The following HMCN1 variants were observed in gnomAD, a reference collection of about 807,000 sequenced individuals.
The protein encoded by HMCN1 is hemicentin 1, also known as hemicentin-1.
In HMCN1, 321 loss-of-function variants were observed where a neutral mutation model predicts 625.9. The observed-to-expected ratio is 0.51, with a 90% CI of 0.47 to 0.56. HMCN1 has a LOEUF of 0.56. Ranked by LOEUF, HMCN1 falls within the 20% of genes least tolerant of loss-of-function variation. HMCN1 has a pLI of 0.00. For synonymous variants in HMCN1, 2,425 were observed against 2,417.6 expected (o/e 1.00, Z -0.09); for missense variants, 6,588 against 6,887.3 (o/e 0.96, Z 1.54).
chr1:185,826,189 G>A (rs1291057941), intron 1 of HMCN1, among the ~76,000 whole-genome samples: 6 of 152,152 alleles, frequency 3.9e-5, no homozygotes, highest in Admixed American at 2.0e-4. Context: ...ATTCCTGAAT[G>A]TATAAAACAT....
At chr1:186,145,177 A>G (rs1185568638) in intron 91 of HMCN1, among the ~76,000 whole-genome samples, 1 of 152,246 alleles carries the variant, frequency 6.6e-6, no homozygotes, top group Non-Finnish European at 1.5e-5. Flanking sequence ...GACTCAATAA[A>G]TGTATGTTAA....
At chr1:185,850,468 A>G (rs1184600010) in intron 2 of HMCN1, among the ~76,000 whole-genome samples, 1 of 152,116 alleles carries the variant, frequency 6.6e-6, no homozygotes, top group African/African-American at 2.4e-5. Flanking sequence ...GACCTGGCAC[A>G]GGCTTCCTGA....
intron 46 of HMCN1, among the ~76,000 whole-genome samples, chr1:186,058,599 A>G (rs1210158537): frequency 2.0e-5 from 3 of 151,936 alleles, no homozygotes; most frequent in Admixed American, 1.3e-4. Context: ...AGAAAGGATT[A>G]TGTTGTTTTT....
chr1:185,891,435 T>C (rs1665074844), intron 4 of HMCN1, among the ~76,000 whole-genome samples: 1 of 148,538 alleles, frequency 6.7e-6, no homozygotes, highest in South Asian at 2.1e-4. Context: ...GGCATGATTT[T>C]GCAGCGGCTG....
At position 186,110,260 on chromosome 1, in the gene HMCN1, G is replaced by A. The variant is rs180912495; in HGVS notation, c.10989+1663G>A. On this transcript the variant is annotated intron_variant, in intron 71 of 106. Coordinates refer to ENST00000271588, the MANE Select transcript of HMCN1 (RefSeq NM_031935.3). ...TGAAGTCATAAGTTTGTAGGAGGTT[G>A]ACTAGAAAGCAGAGTATAAGAGTCC... Among the ~76,000 whole-genome samples, 20 of 152,256 alleles carry A rather than the reference G, an allele frequency of 1.3e-4. No individual in the cohort carries two copies. In the East Asian group the frequency reaches 2.9e-3, roughly 22 times the overall value.
At chr1:186,021,368 T>A (rs1654708615) in intron 35 of HMCN1, among the ~76,000 whole-genome samples, 1 of 152,018 alleles carries the variant, frequency 6.6e-6, no homozygotes, top group Admixed American at 6.6e-5. Flanking sequence ...GACTATGAGA[T>A]CAACTAGTGG....
chr1:185,894,062 G>A (rs1665324396), intron 4 of HMCN1, among the ~76,000 whole-genome samples: 1 of 151,844 alleles, frequency 6.6e-6, no homozygotes, highest in Non-Finnish European at 1.5e-5. Context: ...GTGAACCCGG[G>A]AGGCAGAGCT....
rs115216479 is a variant in HMCN1, at chr1:185,747,678, C to G, written c.268+12631C>G. ...TATTTAATCTTTTGTTGGTGATGTCCAGATATTTAATTTTGAGATGGGGAA... is the reference window on the plus strand; with the variant it reads ...TATTTAATCTTTTGTTGGTGATGTCGAGATATTTAATTTTGAGATGGGGAA... On this transcript the variant is annotated intron_variant, in intron 1 of 106. Transcript: ENST00000271588. Among the ~76,000 whole-genome samples the G allele has an allele frequency of 8.3e-3, 1,260 of 152,218 alleles. 12 individuals are homozygous for G. Among genetic ancestry groups the G allele is most frequent in the Middle Eastern group, 0.027 (8 of 294 alleles).
In HMCN1 at chr1:185,997,588, A is replaced by T. The variant is rs372654219; in HGVS notation, c.3874+64A>T. 187 of 1,126,196 alleles carry T rather than the reference A, an allele frequency of 1.7e-4. 2 individuals are homozygous for T. In the East Asian group the frequency reaches 3.6e-3, roughly 22 times the overall value. The allele number at this position is 1,126,196 out of a possible 1,614,324, so 69.8% of individuals were successfully genotyped here. A position where few individuals can be genotyped will look rare whatever the true frequency, so the allele number is the denominator to read the frequency against. On this transcript the variant is annotated intron_variant, in intron 25 of 106. Coordinates refer to ENST00000271588, the MANE Select transcript of HMCN1 (RefSeq NM_031935.3). ...TATATGGTTTCAGAATGCTATATTGAACCCAAATTGTCATCCTTATAAAAT... is the reference window on the plus strand; with the variant it reads ...TATATGGTTTCAGAATGCTATATTGTACCCAAATTGTCATCCTTATAAAAT...
In HMCN1 at chr1:186,095,379, G is replaced by A. The variant is rs1256506851; in HGVS notation, c.10431G>A (p.Gly3477=). 1.2e-6 allele frequency: 2 copies of A among 1,613,748 alleles called. No individual in the cohort carries two copies. Among genetic ancestry groups the A allele is most frequent in the Admixed American group, 1.7e-5 (1 of 59,886 alleles). The change falls in exon 68 of 107, where the codon GGG becomes GGA. Residue 3477 remains glycine (G), a synonymous_variant. Coordinates refer to ENST00000271588, the MANE Select transcript of HMCN1 (RefSeq NM_031935.3). ...MAWLRDGQPL[G]LDAHLTVSTH... ...GGCTTAGAGATGGCCAGCCTCTGGGGCTTGATGCCCATCTGACAGTCAGCA... is the reference window on the plus strand; with the variant it reads ...GGCTTAGAGATGGCCAGCCTCTGGGACTTGATGCCCATCTGACAGTCAGCA...
intron 36 of HMCN1, among the ~76,000 whole-genome samples, chr1:186,037,428 A>C (rs1655907802): frequency 6.6e-6 from 1 of 152,208 alleles, no homozygotes; most frequent in South Asian, 2.1e-4. Flanking sequence ...TTATTTTGTG[A>C]ATAACTTAAG....
At chr1:186,062,901 A>G (rs1056630894) in intron 48 of HMCN1, among the ~76,000 whole-genome samples, 5 of 151,116 alleles carry the variant, frequency 3.3e-5, no homozygotes, top group African/African-American at 1.2e-4. Flanking sequence ...GCTCCCATTT[A>G]TAAGTTAGAA....
intron 103 of HMCN1, among the ~76,000 whole-genome samples, chr1:186,177,544 T>C (rs1168444301): frequency 6.6e-6 from 1 of 152,162 alleles, no homozygotes; most frequent in Non-Finnish European, 1.5e-5. Context: ...CAATATGATA[T>C]GGTTTACATT....
intron 1 of HMCN1, among the ~76,000 whole-genome samples, chr1:185,762,084 C>T (rs1236822609): frequency 6.6e-6 from 1 of 152,006 alleles, no homozygotes; most frequent in Non-Finnish European, 1.5e-5. Flanking sequence ...GTGCAATTTG[C>T]ACTCGAGGAA....
rs1650739093 is a variant in HMCN1 at position 185,970,504 on chromosome 1, A to T, written c.2371+11A>T. 6.2e-6 allele frequency: 10 copies of T among 1,607,016 alleles called. No individual in the cohort carries two copies. The highest frequency in any genetic ancestry group is 1.7e-5 in the Admixed American group (1 of 60,018). On this transcript the variant is annotated intron_variant, in intron 15 of 106. Coordinates refer to ENST00000271588, the MANE Select transcript of HMCN1 (RefSeq NM_031935.3). ...CTCTGGATGTTGGCTGTAAGCCTCC[A>T]GATCTTATAGGCCAATTTGTTTAGA...
intron 97 of HMCN1, among the ~76,000 whole-genome samples, chr1:186,157,964 G>A (rs1232619172): frequency 1.3e-5 from 2 of 151,984 alleles, no homozygotes; most frequent in African/African-American, 4.8e-5. Flanking sequence ...CCAGTAATGG[G>A]ATGGCTGGAT....
chr1:186,174,532 A>G lies in HMCN1; in HGVS notation c.15833A>G (p.Asp5278Gly), dbSNP rs745754303. Residue 5278 changes from aspartate (D) to glycine (G), a missense_variant, in exon 103 of 107, where the codon GAT becomes GGT. Physicochemically the swap from Asp to Gly is moderately conservative, Grantham distance 94. Around this residue, in one of 3 missense-constraint regions of HMCN1, gnomAD observed 1,954 missense variants for 2,013.1 expected, o/e 0.97. Coordinates refer to ENST00000271588, the MANE Select transcript of HMCN1 (RefSeq NM_031935.3). ...GTCIDIDECK[D>G]GTHQCRYNQI... ...TCTGTAGATATTGATGAATGTAAAG[A>G]TGGGACCCATCAGTGCAGATATAAC... 1 of 1,613,940 alleles carries G rather than the reference A, an allele frequency of 6.2e-7. No homozygotes were observed. Among genetic ancestry groups the G allele is most frequent in the Non-Finnish European group, 8.5e-7 (1 of 1,179,816 alleles).
At position 186,087,563 on chromosome 1, in the gene HMCN1, A is replaced by G. The variant is rs752612787; in HGVS notation, c.9281A>G (p.Tyr3094Cys). ...NAVPPPVITW[Y>C]KNGRMITEST... Reference sequence around the variant, plus strand: ...GTGCCACCTCCAGTCATCACTTGGTATAAGAATGGGCGGATGATAACAGAG... The same window carrying G: ...GTGCCACCTCCAGTCATCACTTGGTGTAAGAATGGGCGGATGATAACAGAG... Residue 3094 changes from tyrosine to cysteine, a missense_variant, in exon 60 of 107, where the codon TAT (tyrosine) becomes TGT (cysteine). Physicochemically the swap from Tyr to Cys is radical, Grantham distance 194. Transcript: ENST00000271588. 3.1e-6 allele frequency: 5 copies of G among 1,613,310 alleles called. No homozygotes were observed. Among genetic ancestry groups the G allele is most frequent in the East Asian group, 2.2e-5 (1 of 44,848 alleles).
At chr1:185,779,971 A>G (rs2102170045) in intron 1 of HMCN1, among the ~76,000 whole-genome samples, 1 of 152,306 alleles carries the variant, frequency 6.6e-6, no homozygotes, top group East Asian at 1.9e-4. Flanking sequence ...GATTCTTCCT[A>G]TCCATGAGCA....
Sources: allele counts gnomAD v4.1 joint callset (sites outside exome capture counted in the v4.1 genomes callset), GRCh38; gene constraint gnomAD v4.1.1; regional missense constraint gnomAD v4.1.1; transcripts MANE v1.5; gene names NCBI Gene and HGNC (gene_info 2026-07-23, HGNC 2026-07-21).